DNAJC6: variants seen among roughly 807,000 people sequenced by gnomAD.
The protein encoded by DNAJC6 is DnaJ heat shock protein family (Hsp40) member C6, also known as auxilin.
Under a neutral mutation model 110.0 loss-of-function variants are expected in DNAJC6, and 34 were observed. The ratio of observed to expected loss-of-function variants is 0.31; its 90% confidence interval spans 0.24 to 0.41. The LOEUF (loss-of-function observed/expected upper bound fraction) is 0.41, where lower values mean the gene tolerates loss of function less well. DNAJC6 is among the 10% of genes least tolerant of loss of function. DNAJC6 has a pLI of 1.00. For synonymous variants in DNAJC6, 406 were observed against 437.2 expected, an observed-to-expected ratio of 0.93 and a Z score of 0.89; for missense variants, 1,031 against 1,207.8, an observed-to-expected ratio of 0.85 and a Z score of 2.17.
chr1:65,313,823 C>G (rs1170091365), intron 1 of DNAJC6, among the ~76,000 whole-genome samples: 1 of 152,216 alleles, frequency 6.6e-6, no homozygotes, highest in African/African-American at 2.4e-5. Flanking sequence ...ACTTTCTCTT[C>G]ATTCAAATTA....
intron 1 of DNAJC6, chr1:65,265,013 C>A: frequency 7.4e-7 from 1 of 1,343,542 alleles, no homozygotes; most frequent in Non-Finnish European, 1.1e-6. Context: ...ACTCCACAGA[C>A]ATATTTAGTT....
intron 1 of DNAJC6, among the ~76,000 whole-genome samples, chr1:65,359,694 G>A (rs1458819420): frequency 6.6e-6 from 1 of 152,190 alleles, no homozygotes; most frequent in Non-Finnish European, 1.5e-5. Flanking sequence ...CACAAGTGGT[G>A]TTAACCATCT....
intron 16 of DNAJC6, among the ~76,000 whole-genome samples, 187 bp from the exon 17 acceptor site, chr1:65,408,454 G>T (rs1646097198): frequency 2.0e-5 from 3 of 152,072 alleles, no homozygotes; most frequent in Non-Finnish European, 2.9e-5. Context: ...TTCTGGACAG[G>T]TTCATTTTCT....
chr1:65,362,291 A>G (rs879608225), intron 1 of DNAJC6, among the ~76,000 whole-genome samples: 4 of 152,214 alleles, frequency 2.6e-5, no homozygotes, highest in Non-Finnish European at 4.4e-5. Flanking sequence ...GACTGAATAT[A>G]GATAAAATGC....
intron 7 of DNAJC6, 48 bp downstream of exon 7, chr1:65,385,954 G>T: frequency 2.1e-6 from 3 of 1,449,008 alleles, no homozygotes; most frequent in South Asian, 1.4e-5. Flanking sequence ...CAATTCTCAT[G>T]TAAATGAGCA....
At chr1:65,331,659 C>T (rs1261022150) in intron 1 of DNAJC6, among the ~76,000 whole-genome samples, 1 of 152,128 alleles carries the variant, frequency 6.6e-6, no homozygotes, top group African/African-American at 2.4e-5. Context: ...AATAACCAGA[C>T]ATTTCTAATT....
intron 1 of DNAJC6, among the ~76,000 whole-genome samples, chr1:65,274,042 C>A (rs1241946379): frequency 6.6e-6 from 1 of 152,040 alleles, no homozygotes; most frequent in Non-Finnish European, 1.5e-5. Flanking sequence ...TCTGTTGGTT[C>A]CCAAGAGAGG....
intron 1 of DNAJC6, among the ~76,000 whole-genome samples, chr1:65,314,692 T>C (rs1027922895): frequency 5.9e-5 from 9 of 152,200 alleles, no homozygotes; most frequent in African/African-American, 2.2e-4. Context: ...TTCGCCATGT[T>C]GGCCAGGTTG....
At chr1:65,285,018 A>G (rs1570216905) in intron 1 of DNAJC6, among the ~76,000 whole-genome samples, 1 of 152,154 alleles carries the variant, frequency 6.6e-6, no homozygotes, top group East Asian at 1.9e-4. Context: ...GTGGTTTTCC[A>G]TCTGGTTCCT....
At position 65,401,885 on chromosome 1, in the gene DNAJC6, A is replaced by C. The variant is rs1314934609; in HGVS notation, c.2227+5A>C. On this transcript the variant is annotated splice_donor_5th_base_variant and intron_variant, in intron 15 of 18. Transcript: ENST00000371069. ...TTGCCGACCTTGGGACACTAGGTAC[A>C]AACTCAGAAGATCAAGATACAAATA... 3 of 1,612,684 alleles carry C rather than the reference A, an allele frequency of 1.9e-6. No individual in the cohort carries two copies. Among genetic ancestry groups the C allele is most frequent in the South Asian group, 2.2e-5 (2 of 90,758 alleles).
intron 16 of DNAJC6, among the ~76,000 whole-genome samples, chr1:65,407,330 T>C (rs1646086367): frequency 6.6e-6 from 1 of 152,196 alleles, no homozygotes; most frequent in South Asian, 2.1e-4. Context: ...TCTTGGAACA[T>C]ACCGCCTGTG....
chr1:65,298,134 C>T (rs927047833), intron 1 of DNAJC6, among the ~76,000 whole-genome samples: 3 of 152,180 alleles, frequency 2.0e-5, no homozygotes, highest in Non-Finnish European at 2.9e-5. Flanking sequence ...GAATTACACT[C>T]TTTCTCTATT....
intron 1 of DNAJC6, among the ~76,000 whole-genome samples, chr1:65,313,886 C>T (rs1228546854): frequency 6.6e-6 from 1 of 152,184 alleles, no homozygotes; most frequent in Non-Finnish European, 1.5e-5. Flanking sequence ...CTCAAAGGCA[C>T]TGCACTATCC....
At chr1:65,267,799 A>C (rs1264181907) in intron 1 of DNAJC6, among the ~76,000 whole-genome samples, 4 of 152,044 alleles carry the variant, frequency 2.6e-5, no homozygotes, top group Admixed American at 2.0e-4. Flanking sequence ...TTCCAAGCCT[A>C]GTTCTTTGAG....
intron 18 of DNAJC6, among the ~76,000 whole-genome samples, chr1:65,412,472 A>G (rs1230912499): frequency 1.3e-5 from 2 of 152,212 alleles, no homozygotes; most frequent in African/African-American, 4.8e-5. Context: ...ATGAGAAGCA[A>G]TGGTAGTGCT....
upstream of DNAJC6, among the ~76,000 whole-genome samples, chr1:65,308,499 G>A (rs978434033): frequency 1.3e-5 from 2 of 152,150 alleles, no homozygotes; most frequent in African/African-American, 4.8e-5. Flanking sequence ...ACTTACCAGA[G>A]TTTATCCAGG....
intron 1 of DNAJC6, among the ~76,000 whole-genome samples, chr1:65,322,687 C>T (rs1645207846): frequency 6.6e-6 from 1 of 152,168 alleles, no homozygotes; most frequent in Non-Finnish European, 1.5e-5. Flanking sequence ...TGCATTGTTG[C>T]TAAGAACCTT....
rs1342446490 is a variant in DNAJC6, at chr1:65,415,257, T to C, written c.*2232T>C. 6.6e-6 allele frequency: 1 copy of C among 152,208 alleles called. No homozygotes were observed. The highest frequency in any genetic ancestry group is 1.5e-5 in the Non-Finnish European group (1 of 68,030). 9.4% of individuals were successfully genotyped at this position (152,208 alleles called of 1,614,324 possible). On this transcript the variant is annotated 3_prime_UTR_variant, in exon 19 of 19. Coordinates refer to ENST00000371069, the MANE Select transcript of DNAJC6 (RefSeq NM_001256864.2). ...ATTGGTCTAAAATATTTGTAATGTATATTAAAAGGTTCAAAAATATTTGTA... is the reference window on the plus strand; with the variant it reads ...ATTGGTCTAAAATATTTGTAATGTACATTAAAAGGTTCAAAAATATTTGTA...
chr1:65,265,071 G>T, intron 1 of DNAJC6: 1 of 732,746 alleles, frequency 1.4e-6, no homozygotes. Flanking sequence ...TAACATTCTA[G>T]TTATATAATA....
Sources: allele counts gnomAD v4.1 joint callset (sites outside exome capture counted in the v4.1 genomes callset), GRCh38; gene constraint gnomAD v4.1.1; transcripts MANE v1.5; gene names NCBI Gene and HGNC (gene_info 2026-07-23, HGNC 2026-07-21).